Variants in ATP8A2 observed in about 807,000 individuals in gnomAD.
ATP8A2 encodes the protein ATPase phospholipid transporting 8A2.
In ATP8A2, 100 loss-of-function variants were observed where a neutral mutation model predicts 165.6. The observed-to-expected ratio is 0.60, with a 90% CI of 0.51 to 0.71. ATP8A2 has a LOEUF of 0.71. Ranked by LOEUF, ATP8A2 falls within the 30% of genes least tolerant of loss-of-function variation. ATP8A2 has a pLI of 0.00. For missense variants in ATP8A2, 1,227 were observed against 1,479.5 expected (o/e 0.83, Z 2.80); for synonymous variants, 543 against 548.8 (o/e 0.99, Z 0.15).
chr13:25,831,446 C>CTCGT (rs1951467237), intron 28 of ATP8A2, among the ~76,000 whole-genome samples: 1 of 152,148 alleles, frequency 6.6e-6, no homozygotes, highest in Non-Finnish European at 1.5e-5. Context: ...ATCTCCTGAA[C>CTCGT]TCGTGTTCCA....
intron 33 of ATP8A2, among the ~76,000 whole-genome samples, chr13:25,898,684 C>T (rs1953642665): frequency 6.6e-6 from 1 of 152,226 alleles, no homozygotes; most frequent in Non-Finnish European, 1.5e-5. Context: ...CCAGTTCCAG[C>T]TTCCCAGCTG....
At chr13:25,473,245 A>G (rs1030459346) in intron 2 of ATP8A2, among the ~76,000 whole-genome samples, 5 of 152,168 alleles carry the variant, frequency 3.3e-5, no homozygotes, top group African/African-American at 1.2e-4. Flanking sequence ...AAATACCACC[A>G]GTGTTTGATC....
chr13:25,885,333 G>A (rs535643964), intron 33 of ATP8A2, among the ~76,000 whole-genome samples: 10 of 151,826 alleles, frequency 6.6e-5, no homozygotes, highest in Non-Finnish European at 1.2e-4. Flanking sequence ...GGCTGGTCTC[G>A]AACTCCTGAC....
intron 2 of ATP8A2, among the ~76,000 whole-genome samples, chr13:25,471,499 T>C (rs2035845095): frequency 6.6e-6 from 1 of 152,028 alleles, no homozygotes; most frequent in South Asian, 2.1e-4. Flanking sequence ...TACAGGCGCC[T>C]GCCCAGCTAA....
At chr13:25,790,662 C>T (rs1593350955) in intron 27 of ATP8A2, among the ~76,000 whole-genome samples, 1 of 151,080 alleles carries the variant, frequency 6.6e-6, no homozygotes, top group Non-Finnish European at 1.5e-5. Context: ...ACATTGTACT[C>T]CAGCCTGGGC....
chr13:25,467,949 A>G (rs1033277275), intron 1 of ATP8A2, among the ~76,000 whole-genome samples: 2 of 152,162 alleles, frequency 1.3e-5, no homozygotes, highest in Non-Finnish European at 1.5e-5. Context: ...GAAAAACAAG[A>G]TAAGTCTTCA....
chr13:25,986,528 A>G lies in ATP8A2; in HGVS notation c.3377+17849A>G, dbSNP rs544588889. On this transcript the variant is annotated intron_variant, in intron 35 of 36. Coordinates refer to ENST00000381655, the MANE Select transcript of ATP8A2 (RefSeq NM_016529.6). ...TCCAGGTTCGTCCATGTTGTCACCAATGGCAAGATTTCCTGTTTTATGGCT... is the reference window on the plus strand; with the variant it reads ...TCCAGGTTCGTCCATGTTGTCACCAGTGGCAAGATTTCCTGTTTTATGGCT... 2.0e-5 allele frequency among the ~76,000 whole-genome samples: 3 copies of G among 152,312 alleles called. No homozygotes were observed. In the East Asian group the frequency reaches 5.8e-4, roughly 29 times the overall value.
At position 26,022,670 on chromosome 13, in the gene ATP8A2, CAG is replaced by C. The variant is rs1957098983; in HGVS notation, c.*2686_*2687del. The C allele has an allele frequency of 6.6e-6, 1 of 152,204 alleles. No individual in the cohort carries two copies. The highest frequency in any genetic ancestry group is 2.4e-5 in the African/African-American group (1 of 41,428). The allele number at this position is 152,204 out of a possible 1,614,324, so 9.4% of individuals were successfully genotyped here. On this transcript the variant is annotated 3_prime_UTR_variant, in exon 37 of 37. Transcript: ENST00000381655. ...GTATAATATTTAGCCAGGGCCAACT[CAG>C]GGGCTGTGTCATTTGTCCTATCTTT...
At chr13:25,823,613 A>G (rs543957454) in intron 27 of ATP8A2, among the ~76,000 whole-genome samples, 1 of 152,240 alleles carries the variant, frequency 6.6e-6, no homozygotes, top group African/African-American at 2.4e-5. Flanking sequence ...GAGAAGTAGG[A>G]AGACTTCTTG....
chr13:25,590,189 C>A (rs966912024), intron 24 of ATP8A2, among the ~76,000 whole-genome samples: 3 of 152,088 alleles, frequency 2.0e-5, no homozygotes, highest in Non-Finnish European at 4.4e-5. Flanking sequence ...TTTTGGGAGG[C>A]GGAGGCAGAA....
At chr13:25,841,575 T>C (rs903536389) in intron 30 of ATP8A2, among the ~76,000 whole-genome samples, 6 of 152,388 alleles carry the variant, frequency 3.9e-5, no homozygotes, top group African/African-American at 1.4e-4. Flanking sequence ...TTATAATTAA[T>C]TTCTAAATTC....
At chr13:25,978,638 G>A (rs1225666634) in intron 35 of ATP8A2, among the ~76,000 whole-genome samples, 6 of 152,092 alleles carry the variant, frequency 3.9e-5, no homozygotes, top group African/African-American at 1.4e-4. Context: ...GACTGTTACA[G>A]GCAAAAAGAA....
chr13:25,986,068 C>T (rs1055261054), intron 35 of ATP8A2, among the ~76,000 whole-genome samples: 4 of 151,512 alleles, frequency 2.6e-5, no homozygotes, highest in Non-Finnish European at 5.9e-5. Flanking sequence ...TTTTTTTTCT[C>T]TTCAGCTTCA....
rs1256415273 is a variant in ATP8A2, at chr13:25,465,145, A to G, written c.77-3832A>G. Among the ~76,000 whole-genome samples the G allele has an allele frequency of 2.0e-5, 3 of 152,250 alleles. No individual in the cohort carries two copies. The East Asian group carries it at 5.8e-4, about 29-fold the overall frequency. ...TTATGTGGTAGTATTTGCAAAATGC[A>G]TTAACTCAGAATTATCTCATGAAAC... On this transcript the variant is annotated intron_variant, in intron 1 of 36. Transcript: ENST00000381655.
At chr13:25,710,342 G>A (rs938113796) in intron 25 of ATP8A2, among the ~76,000 whole-genome samples, 1 of 152,070 alleles carries the variant, frequency 6.6e-6, no homozygotes, top group Admixed American at 6.6e-5. Context: ...GTGTCCTGTT[G>A]TGCTACTGAG....
At chr13:25,969,852 G>T (rs2139212817) in intron 35 of ATP8A2, among the ~76,000 whole-genome samples, 2 of 152,278 alleles carry the variant, frequency 1.3e-5, no homozygotes, top group South Asian at 4.1e-4. Flanking sequence ...TGGGGATGGG[G>T]GCTGATTTTA....
intron 1 of ATP8A2, among the ~76,000 whole-genome samples, chr13:25,432,861 A>G (rs2034653410): frequency 6.6e-6 from 1 of 152,146 alleles, no homozygotes; most frequent in South Asian, 2.1e-4. Context: ...TTCTACTAGA[A>G]CAGAGTTCAT....
At chr13:25,571,282 C>G (rs537198930) in intron 17 of ATP8A2, among the ~76,000 whole-genome samples, 1 of 152,152 alleles carries the variant, frequency 6.6e-6, no homozygotes, top group Non-Finnish European at 1.5e-5. Context: ...AAAATACTGC[C>G]TTGCTCAGAG....
intron 2 of ATP8A2, among the ~76,000 whole-genome samples, chr13:25,506,935 C>G (rs1183020756): frequency 1.3e-5 from 1 of 76,512 alleles, no homozygotes; most frequent in Non-Finnish European, 2.9e-5. Flanking sequence ...ATATACAGTA[C>G]AGTACATATA....
Sources: gnomAD v4.1 joint callset for allele counts (sites outside exome capture counted in the v4.1 genomes callset) on GRCh38, gnomAD v4.1.1 for gene constraint, MANE v1.5 for transcripts, NCBI Gene and HGNC (gene_info 2026-07-23, HGNC 2026-07-21) for gene names.